Variants in CHST4 observed in about 807,000 individuals in gnomAD.
CHST4 encodes the protein GST-3.
For missense variants in CHST4, 466 were observed against 506.0 expected (o/e 0.92, Z 0.76); for synonymous variants, 171 against 195.5 (o/e 0.87, Z 1.05).
At chr16:71,535,238 T>C (rs970254954) in intron 1 of CHST4, among the ~76,000 whole-genome samples, 1 of 152,218 alleles carries the variant, frequency 6.6e-6, no homozygotes, top group African/African-American at 2.4e-5. Flanking sequence ...AGTGGCGCGA[T>C]CTCGGCTTAC....
chr16:71,537,591 G>A lies in CHST4; in HGVS notation c.914G>A (p.Trp305Ter), dbSNP rs1333291737. Residue 305 changes from tryptophan to a stop codon, truncating the protein, a stop_gained, in exon 2 of 2, where the codon TGG becomes TAG. Coordinates refer to ENST00000539698, the MANE Select transcript of CHST4 (RefSeq NM_001166395.2). LOFTEE classifies it low-confidence loss of function (END_TRUNC). The surrounding 1 kb of genome is among the most constrained non-coding windows in gnomAD (Gnocchi z 4.2). ...GLEFLPHLQT[W>*]VHNITRGKGM... ...GAATTCTTGCCCCATCTTCAGACCT[G>A]GGTGCATAACATCACCCGAGGCAAG... The A allele has an allele frequency of 7.4e-6, 12 of 1,614,024 alleles. No individual in the cohort carries two copies. Among genetic ancestry groups the A allele is most frequent in the Non-Finnish European group, 1.0e-5 (12 of 1,180,042 alleles).
Position 71,536,942 on chromosome 16 carries a change from A to C in CHST4, c.265A>C (p.Met89Leu). 1 of 1,612,888 alleles carries C rather than the reference A, an allele frequency of 6.2e-7. No homozygotes were observed. The highest frequency in any genetic ancestry group is 8.5e-7 in the Non-Finnish European group (1 of 1,179,142). ...WMTFKQSTAW[M>L]LHMAVRDLIR... ...GACCTTCAAGCAGAGCACCGCCTGG[A>C]TGCTGCACATGGCTGTGCGGGATCT... is the stretch of plus-strand genomic sequence containing the variant. Residue 89 changes from methionine to leucine, a missense_variant, in exon 2 of 2, where the codon ATG becomes CTG. Met to Leu is a conservative substitution (Grantham distance 15). Transcript: ENST00000539698.
At chr16:71,530,041 G>A (rs2043936436) in intron 1 of CHST4, among the ~76,000 whole-genome samples, 1 of 152,140 alleles carries the variant, frequency 6.6e-6, no homozygotes, top group African/African-American at 2.4e-5. Flanking sequence ...GGGAGGCTGA[G>A]GCAGGAGAAT....
chr16:71,529,543 A>ATTT (rs1157747412), intron 1 of CHST4, among the ~76,000 whole-genome samples: 1,286 of 41,440 alleles, frequency 0.031, 352 homozygotes, highest in South Asian at 0.092. Context: ...ATGCTCATCT[A>ATTT]TTTTTTTTTT....
Position 71,537,547 on chromosome 16 carries a change from G to A in CHST4, c.870G>A (p.Met290Ile). 1 of 1,614,186 alleles carries A rather than the reference G, an allele frequency of 6.2e-7. No individual in the cohort carries two copies. The highest frequency in any genetic ancestry group is 8.5e-7 in the Non-Finnish European group (1 of 1,180,044). The change falls in exon 2 of 2, where the codon ATG becomes ATA. Residue 290 changes from methionine to isoleucine, a missense_variant. Met to Ile is a conservative substitution (Grantham distance 10). Transcript: ENST00000539698. The surrounding 1 kb of genome is among the most constrained non-coding windows in gnomAD (Gnocchi z 4.2). ...ARAPVAQTSRMYEFVGLEFLP... is the reference protein window; with the variant it reads ...ARAPVAQTSRIYEFVGLEFLP... Reference sequence around the variant, plus strand: ...CCCCTGTGGCCCAGACTTCCCGAATGTATGAATTCGTGGGATTGGAATTCT... The same window carrying A: ...CCCCTGTGGCCCAGACTTCCCGAATATATGAATTCGTGGGATTGGAATTCT...
In CHST4 at chr16:71,527,693, G is replaced by A. The variant is rs60605018; in HGVS notation, c.-19+1198G>A. On this transcript the variant is annotated intron_variant, in intron 1 of 1. Transcript: ENST00000539698. ...TGAAACCGGGAGGCTGCAGTGAGCC[G>A]AGATCCTGCCATTGCACTCTAGCCT... Among the ~76,000 whole-genome samples, 535 of 152,112 alleles carry A rather than the reference G, an allele frequency of 3.5e-3. 3 individuals carry two copies. The highest frequency in any genetic ancestry group is 0.012 in the African/African-American group (498 of 41,524).
intron 1 of CHST4, among the ~76,000 whole-genome samples, chr16:71,529,543 ATTTTTTTTTTT>A (rs1157747412): frequency 0.013 from 558 of 41,378 alleles, 8 homozygotes; most frequent in African/African-American, 0.049. Flanking sequence ...ATGCTCATCT[ATTTTTTTTTTT>A]TTTTTTTTTT....
At chr16:71,536,171 A>G (rs1291672258) in intron 1 of CHST4, among the ~76,000 whole-genome samples, 3 of 152,134 alleles carry the variant, frequency 2.0e-5, no homozygotes, top group Admixed American at 2.0e-4. Context: ...AGTCTCCCTT[A>G]TGATGGAGGG....
Position 71,538,636 on chromosome 16 carries a change from A to G in CHST4, c.*798A>G, listed in dbSNP as rs895287664. ...ATTGGTTTTTTAAAACACCTTTGCTATTATCTATCACCCATTTATACAGAA... is the reference window on the plus strand; with the variant it reads ...ATTGGTTTTTTAAAACACCTTTGCTGTTATCTATCACCCATTTATACAGAA... On this transcript the variant is annotated 3_prime_UTR_variant, in exon 2 of 2. Coordinates refer to ENST00000539698, the MANE Select transcript of CHST4 (RefSeq NM_001166395.2). 2 of 165,366 alleles carry G rather than the reference A, an allele frequency of 1.2e-5. No homozygotes were observed. Among genetic ancestry groups the G allele is most frequent in the African/African-American group, 4.8e-5 (2 of 41,462 alleles). The allele number at this position is 165,366 out of a possible 1,614,324, so 10.2% of individuals were successfully genotyped here. A position where few individuals can be genotyped will look rare whatever the true frequency, so the allele number is the denominator to read the frequency against.
chr16:71,537,411 T>C lies in CHST4; in HGVS notation c.734T>C (p.Val245Ala). Residue 245 changes from valine (V) to alanine (A), a missense_variant, in exon 2 of 2, where the codon GTG (valine) becomes GCG (alanine). By Grantham distance (64) the Val-to-Ala change is moderately conservative (BLOSUM62 0). Coordinates refer to ENST00000539698, the MANE Select transcript of CHST4 (RefSeq NM_001166395.2). This position sits in a 1 kb window ranked among gnomAD's most constrained non-coding sequence, Gnocchi z 4.2. Reference protein sequence around the residue: ...KLKKEDQPYYVMQVICQSQLE... With the variant: ...KLKKEDQPYYAMQVICQSQLE... ...AAGAAGGAGGACCAACCCTACTATG[T>C]GATGCAGGTCATCTGCCAAAGCCAG... 6.2e-7 allele frequency: 1 copy of C among 1,614,158 alleles called. No homozygotes were observed. The highest frequency in any genetic ancestry group is 8.5e-7 in the Non-Finnish European group (1 of 1,180,034).
In CHST4 at chr16:71,537,039, C is replaced by T. The variant is rs527849516; in HGVS notation, c.362C>T (p.Ser121Phe). The T allele has an allele frequency of 1.2e-6, 2 of 1,614,152 alleles. No homozygotes were observed. The highest frequency in any genetic ancestry group is 8.5e-7 in the Non-Finnish European group (1 of 1,180,020). The part of the protein sequence containing the change: ...AYMEPGPRRQ[S>F]SLFQWENSRA... ...ATGGAACCTGGTCCCCGGAGACAGT[C>T]CAGCCTCTTTCAGTGGGAGAACAGC... The change falls in exon 2 of 2, where the codon TCC becomes TTC. Residue 121 changes from serine (S) to phenylalanine (F), a missense_variant. Coordinates refer to ENST00000539698, the MANE Select transcript of CHST4 (RefSeq NM_001166395.2). This position sits in a 1 kb window ranked among gnomAD's most constrained non-coding sequence, Gnocchi z 4.2.
intron 1 of CHST4, 83 bp from the exon 2 acceptor site, chr16:71,536,577 C>A: frequency 1.0e-6 from 1 of 994,128 alleles, no homozygotes; most frequent in Non-Finnish European, 1.4e-6. Flanking sequence ...GGTCAGAGAG[C>A]AGGTGGCTTT....
In CHST4 at chr16:71,537,387, A is replaced by G. The variant is rs528394236; in HGVS notation, c.710A>G (p.Lys237Arg). The change falls in exon 2 of 2, where the codon AAG (lysine) becomes AGG (arginine). Residue 237 changes from lysine to arginine, a missense_variant. Transcript: ENST00000539698. The surrounding 1 kb of genome is among the most constrained non-coding windows in gnomAD (Gnocchi z 4.2). ...ATGGGGCAGCATGAGCAAAAACTCA[A>G]GAAGGAGGACCAACCCTACTATGTG... Reference protein sequence around the residue: ...IVMGQHEQKLKKEDQPYYVMQ... With the variant: ...IVMGQHEQKLRKEDQPYYVMQ... 6.2e-7 allele frequency: 1 copy of G among 1,614,090 alleles called. No individual in the cohort carries two copies. Among genetic ancestry groups the G allele is most frequent in the Admixed American group, 1.7e-5 (1 of 60,030 alleles).
chr16:71,532,092 G>A (rs1487490976), intron 1 of CHST4, among the ~76,000 whole-genome samples: 1 of 140,592 alleles, frequency 7.1e-6, no homozygotes, highest in Non-Finnish European at 1.5e-5. Flanking sequence ...CTGTCGCCCA[G>A]GCTGGAGTGC....
In CHST4 at chr16:71,537,045, T is replaced by C. The variant is rs1190452483; in HGVS notation, c.368T>C (p.Leu123Pro). 1.9e-6 allele frequency: 3 copies of C among 1,614,136 alleles called. No individual in the cohort carries two copies. Among genetic ancestry groups the C allele is most frequent in the Non-Finnish European group, 2.5e-6 (3 of 1,180,020 alleles). ...CCTGGTCCCCGGAGACAGTCCAGCC[T>C]CTTTCAGTGGGAGAACAGCCGGGCC... Reference protein sequence around the residue: ...MEPGPRRQSSLFQWENSRALC... With the variant: ...MEPGPRRQSSPFQWENSRALC... The change falls in exon 2 of 2, where the codon CTC (leucine) becomes CCC (proline). Residue 123 changes from leucine (L) to proline (P), a missense_variant. Coordinates refer to ENST00000539698, the MANE Select transcript of CHST4 (RefSeq NM_001166395.2). This position sits in a 1 kb window ranked among gnomAD's most constrained non-coding sequence, Gnocchi z 4.2.
chr16:71,526,776 T>C (rs1169576278), intron 1 of CHST4, among the ~76,000 whole-genome samples: 1 of 152,094 alleles, frequency 6.6e-6, no homozygotes, highest in Non-Finnish European at 1.5e-5. Context: ...TTGTAGATGG[T>C]CCCCTGGTGC....
In CHST4 at chr16:71,538,319, A is replaced by G. The variant is rs1171906438; in HGVS notation, c.*481A>G. On this transcript the variant is annotated 3_prime_UTR_variant, in exon 2 of 2. Transcript: ENST00000539698. ...GAAGTGGGAACAAGGTTGGATGCCT[A>G]CTTATGAGCTTGACCATCACAGCTA... 5.8e-6 allele frequency: 1 copy of G among 172,082 alleles called. No individual in the cohort carries two copies. The highest frequency in any genetic ancestry group is 2.4e-5 in the African/African-American group (1 of 41,558). 10.7% of individuals were successfully genotyped at this position (172,082 alleles called of 1,614,324 possible).
Position 71,537,207 on chromosome 16 carries a change from A to T in CHST4, c.530A>T (p.Lys177Met). The change falls in exon 2 of 2, where the codon AAG becomes ATG. Residue 177 changes from lysine to methionine, a missense_variant. Coordinates refer to ENST00000539698, the MANE Select transcript of CHST4 (RefSeq NM_001166395.2). This position sits in a 1 kb window ranked among gnomAD's most constrained non-coding sequence, Gnocchi z 4.2. ...CGCTCCTACAGCCACGTGGTGCTCAAGGAGGTGCGCTTCTTCAACCTGCAG... is the reference window on the plus strand; with the variant it reads ...CGCTCCTACAGCCACGTGGTGCTCATGGAGGTGCGCTTCTTCAACCTGCAG... The part of the protein sequence containing the change: ...ACRSYSHVVL[K>M]EVRFFNLQSL... 1 of 1,614,184 alleles carries T rather than the reference A, an allele frequency of 6.2e-7. No individual in the cohort carries two copies. The highest frequency in any genetic ancestry group is 1.1e-5 in the South Asian group (1 of 91,086).
chr16:71,529,400 T>C (rs868566721), intron 1 of CHST4, among the ~76,000 whole-genome samples: 1 of 152,090 alleles, frequency 6.6e-6, no homozygotes, highest in African/African-American at 2.4e-5. Flanking sequence ...CACTGTTCCA[T>C]GCAATCACCT....
Sources: gnomAD v4.1 joint callset for allele counts (sites outside exome capture counted in the v4.1 genomes callset) on GRCh38, gnomAD v4.1.1 for gene constraint, Gnocchi (gnomAD v3.1) non-coding constraint, MANE v1.5 for transcripts, NCBI Gene and HGNC (gene_info 2026-07-23, HGNC 2026-07-21) for gene names.